Variants in KIAA1958 observed in about 807,000 individuals in gnomAD.
KIAA1958 encodes KIAA1958, also known as uncharacterized protein KIAA1958.
A neutral mutation model predicts 47.2 loss-of-function variants in KIAA1958; 14 were observed. The ratio of observed to expected loss-of-function variants is 0.30; its 90% CI spans 0.20 to 0.46. KIAA1958 has a LOEUF of 0.46. Among genes scored for constraint, KIAA1958 ranks in the 20% least tolerant of loss-of-function variants. The pLI, the probability that KIAA1958 is intolerant of heterozygous loss-of-function variation, is 1.00. For missense variants in KIAA1958, 803 were observed against 909.2 expected (o/e 0.88, Z 1.50); for synonymous variants, 354 against 353.3 (o/e 1.00, Z -0.02).
chr9:112,543,051 A>G (rs556217267), intron 1 of KIAA1958, among the ~76,000 whole-genome samples: 10 of 152,330 alleles, frequency 6.6e-5, no homozygotes, highest in African/African-American at 2.4e-4. Flanking sequence ...TATTTCAGAA[A>G]AGAAATTCTG....
rs374627483 is a variant in KIAA1958 at position 112,659,418 on chromosome 9, C to T, written c.1500C>T (p.Ser500=). 6 of 1,614,048 alleles carry T rather than the reference C, an allele frequency of 3.7e-6. No homozygotes were observed. Among genetic ancestry groups the T allele is most frequent in the Non-Finnish European group, 5.1e-6 (6 of 1,180,020 alleles). Residue 500 remains serine, a synonymous_variant, in exon 4 of 4, where the codon AGC becomes AGT. Coordinates refer to ENST00000337530, the MANE Select transcript of KIAA1958 (RefSeq NM_133465.4). ...KNAGVGFSIT[S]STFSSSTKKL... ...CAGGTGTCGGCTTTTCCATCACCAG[C>T]AGCACCTTCAGCTCCTCCACCAAGA...
chr9:112,634,602 C>T lies in KIAA1958; in HGVS notation c.1172-11048C>T, dbSNP rs142951188. Among the ~76,000 whole-genome samples the T allele has an allele frequency of 3.2e-3, 482 of 152,122 alleles. 4 individuals are homozygous for T. The highest frequency in any genetic ancestry group is 0.011 in the African/African-American group (464 of 41,490). ...TTCCTTTTTAAAAAATTTTTAAGTTCGAGGGTACATGGGCAGGTTTGTTAC... is the reference window on the plus strand; with the variant it reads ...TTCCTTTTTAAAAAATTTTTAAGTTTGAGGGTACATGGGCAGGTTTGTTAC... On this transcript the variant is annotated intron_variant, in intron 2 of 3. Coordinates refer to ENST00000337530, the MANE Select transcript of KIAA1958 (RefSeq NM_133465.4).
chr9:112,558,473 T>C (rs1835278925), intron 1 of KIAA1958, among the ~76,000 whole-genome samples: 1 of 152,164 alleles, frequency 6.6e-6, no homozygotes. Context: ...TAAATTCTTT[T>C]GCATTTCTCA....
intron 1 of KIAA1958, among the ~76,000 whole-genome samples, chr9:112,572,684 A>C (rs894321974): frequency 4.6e-5 from 7 of 152,220 alleles, no homozygotes; most frequent in Non-Finnish European, 1.0e-4. Context: ...GCAGCATATC[A>C]AGCCAAAGAA....
intron 1 of KIAA1958, among the ~76,000 whole-genome samples, chr9:112,564,491 G>T (rs1427936797): frequency 6.6e-6 from 1 of 152,106 alleles, no homozygotes; most frequent in Non-Finnish European, 1.5e-5. Flanking sequence ...GCTAACTAGG[G>T]ACTCACTGTT....
chr9:112,587,848 A>G (rs1835852375), intron 2 of KIAA1958, among the ~76,000 whole-genome samples: 1 of 152,230 alleles, frequency 6.6e-6, no homozygotes, highest in Non-Finnish European at 1.5e-5. Context: ...AAAAATCTGA[A>G]CAAATGCATA....
At chr9:112,540,629 A>G (rs1834924847) in intron 1 of KIAA1958, among the ~76,000 whole-genome samples, 1 of 152,200 alleles carries the variant, frequency 6.6e-6, no homozygotes, top group South Asian at 2.1e-4. Context: ...TGCCTTAAAC[A>G]TTTCAAAATC....
At chr9:112,570,060 G>A (rs1004840236) in intron 1 of KIAA1958, among the ~76,000 whole-genome samples, 9 of 152,224 alleles carry the variant, frequency 5.9e-5, no homozygotes, top group Non-Finnish European at 1.2e-4. Flanking sequence ...TTTTGAAAGT[G>A]CAGTTTATTA....
At chr9:112,645,531 C>A in intron 2 of KIAA1958, 119 bp from the exon 3 acceptor site, 1 of 645,562 alleles carries the variant, frequency 1.5e-6, no homozygotes. Flanking sequence ...CTTTAATAGA[C>A]ATTTCATGTT....
intron 2 of KIAA1958, among the ~76,000 whole-genome samples, chr9:112,627,247 T>G (rs1202371223): frequency 6.6e-6 from 1 of 152,196 alleles, no homozygotes; most frequent in Non-Finnish European, 1.5e-5. Flanking sequence ...AAGCAAGAAT[T>G]CTGAACTTTT....
At chr9:112,599,102 A>C (rs1836084826) in intron 2 of KIAA1958, among the ~76,000 whole-genome samples, 1 of 152,172 alleles carries the variant, frequency 6.6e-6, no homozygotes, top group South Asian at 2.1e-4. Flanking sequence ...TTTTAAATTA[A>C]AATTTTGCAT....
chr9:112,534,573 C>G (rs570523015), intron 1 of KIAA1958, among the ~76,000 whole-genome samples: 1 of 147,250 alleles, frequency 6.8e-6, no homozygotes, highest in African/African-American at 2.5e-5. Flanking sequence ...GATGGAGTTT[C>G]GTTCTTATTG....
At chr9:112,642,128 C>T (rs1194143751) in intron 2 of KIAA1958, among the ~76,000 whole-genome samples, 1 of 152,190 alleles carries the variant, frequency 6.6e-6, no homozygotes, top group Non-Finnish European at 1.5e-5. Context: ...TAGGGATTTC[C>T]TTAGCTATTG....
At chr9:112,632,598 A>AT (rs962444374) in intron 2 of KIAA1958, among the ~76,000 whole-genome samples, 5 of 152,054 alleles carry the variant, frequency 3.3e-5, no homozygotes, top group African/African-American at 4.8e-5. Flanking sequence ...TATAATGCCT[A>AT]TTTTTTAATG....
intron 1 of KIAA1958, among the ~76,000 whole-genome samples, chr9:112,497,667 A>G (rs1459872650): frequency 6.6e-6 from 1 of 152,174 alleles, no homozygotes; most frequent in East Asian, 1.9e-4. Context: ...GCTAGGTTCA[A>G]TACAGTTTTT....
chr9:112,591,676 T>C (rs1315704797), intron 2 of KIAA1958, among the ~76,000 whole-genome samples: 1 of 151,914 alleles, frequency 6.6e-6, no homozygotes, highest in Non-Finnish European at 1.5e-5. Context: ...GAGGATCGCT[T>C]GAGCCCAGGA....
At chr9:112,646,271 G>A (rs2131243774) in intron 3 of KIAA1958, among the ~76,000 whole-genome samples, 1 of 152,246 alleles carries the variant, frequency 6.6e-6, no homozygotes, top group South Asian at 2.1e-4. Context: ...TAAGTGCCAG[G>A]CTAAAATCTT....
chr9:112,610,143 A>G (rs1836300711), intron 2 of KIAA1958, among the ~76,000 whole-genome samples: 2 of 152,202 alleles, frequency 1.3e-5, no homozygotes, highest in Admixed American at 6.5e-5. Context: ...TTATTATGAA[A>G]TCAATAATGC....
chr9:112,524,463 A>C (rs2132800701), intron 1 of KIAA1958, among the ~76,000 whole-genome samples: 1 of 152,392 alleles, frequency 6.6e-6, no homozygotes, highest in African/African-American at 2.4e-5. Flanking sequence ...AAATTGTAGT[A>C]AAATACATAT....
Sources: gnomAD v4.1 joint callset for allele counts (sites outside exome capture counted in the v4.1 genomes callset) on GRCh38, gnomAD v4.1.1 for gene constraint, MANE v1.5 for transcripts, NCBI Gene and HGNC (gene_info 2026-07-23, HGNC 2026-07-21) for gene names.